DLC1: variants seen among roughly 807,000 people sequenced by gnomAD.
DLC1 encodes rho GTPase-activating protein 7.
A neutral mutation model predicts 140.3 loss-of-function variants in DLC1; 54 were observed. That is an observed-to-expected ratio of 0.38 (90% CI 0.31 to 0.48). DLC1 has a LOEUF of 0.48. Among genes scored for constraint, DLC1 ranks in the 20% least tolerant of loss-of-function variants. The pLI, the probability that DLC1 is intolerant of heterozygous loss-of-function variation, is 0.96. For missense variants in DLC1, 2,536 were observed against 1,907.0 expected, an observed-to-expected ratio of 1.33 and a Z score of -6.14; for synonymous variants, 986 against 728.1, an observed-to-expected ratio of 1.35 and a Z score of -5.70.
intron 4 of DLC1, among the ~76,000 whole-genome samples, chr8:13,352,630 T>G (rs1834730038): frequency 6.6e-6 from 1 of 152,164 alleles, no homozygotes; most frequent in African/African-American, 2.4e-5. Flanking sequence ...TCTTCCCACC[T>G]CAGCTTCCTT....
intron 5 of DLC1, among the ~76,000 whole-genome samples, chr8:13,191,595 G>T (rs755346756): frequency 6.6e-6 from 1 of 152,186 alleles, no homozygotes; most frequent in Non-Finnish European, 1.5e-5. Flanking sequence ...AAGATGCCCC[G>T]AGAATTTGAT....
intron 5 of DLC1, among the ~76,000 whole-genome samples, chr8:13,225,532 C>G (rs529816589): frequency 6.6e-6 from 1 of 152,196 alleles, no homozygotes; most frequent in South Asian, 2.1e-4. Flanking sequence ...TTTGGCAAAA[C>G]AGCAGAGATA....
At chr8:13,465,631 T>A (rs1309275004) in intron 2 of DLC1, among the ~76,000 whole-genome samples, 3 of 152,204 alleles carry the variant, frequency 2.0e-5, no homozygotes, top group African/African-American at 7.2e-5. Flanking sequence ...AGTATTTGAA[T>A]ACTATTCTTT....
chr8:13,311,994 T>G (rs1345030665), intron 4 of DLC1, among the ~76,000 whole-genome samples: 1 of 152,216 alleles, frequency 6.6e-6, no homozygotes, highest in African/African-American at 2.4e-5. Flanking sequence ...TTGACAAAGC[T>G]CTGGTTGAGG....
chr8:13,438,799 A>G (rs1251677562), intron 2 of DLC1, among the ~76,000 whole-genome samples: 2 of 152,134 alleles, frequency 1.3e-5, no homozygotes, highest in Non-Finnish European at 2.9e-5. Context: ...CCTTTCCATG[A>G]TTACTCTCCA....
At chr8:13,103,842 A>C (rs1318461539) in intron 7 of DLC1, among the ~76,000 whole-genome samples, 2 of 117,150 alleles carry the variant, frequency 1.7e-5, no homozygotes, top group Non-Finnish European at 4.1e-5. Flanking sequence ...TCCATCTCAA[A>C]AAAAAAAAAA....
chr8:13,201,909 A>G (rs1023354426), intron 5 of DLC1, among the ~76,000 whole-genome samples: 1 of 146,200 alleles, frequency 6.8e-6, no homozygotes. Flanking sequence ...TACTAAGTCT[A>G]GTACCCAAAA....
intron 2 of DLC1, among the ~76,000 whole-genome samples, chr8:13,454,074 G>T (rs1563361569): frequency 6.6e-6 from 1 of 152,020 alleles, no homozygotes; most frequent in Middle Eastern, 3.2e-3. Flanking sequence ...CTTGAATATG[G>T]CATTAAAAAG....
intron 2 of DLC1, among the ~76,000 whole-genome samples, chr8:13,440,180 A>T (rs921238560): frequency 2.1e-4 from 32 of 152,298 alleles, no homozygotes; most frequent in African/African-American, 6.7e-4. Flanking sequence ...TCTCATTTCG[A>T]TCATAGAAGC....
intron 2 of DLC1, among the ~76,000 whole-genome samples, chr8:13,441,411 GT>G (rs1324890535): frequency 1.3e-5 from 2 of 152,242 alleles, no homozygotes; most frequent in Non-Finnish European, 2.9e-5. Flanking sequence ...AAAAGAGGAA[GT>G]CAAACTGTCC....
chr8:13,412,721 C>G (rs1837833504), intron 2 of DLC1, among the ~76,000 whole-genome samples: 1 of 151,920 alleles, frequency 6.6e-6, no homozygotes, highest in Non-Finnish European at 1.5e-5. Context: ...ATCACGAGGT[C>G]AGGAGATAGA....
At position 13,100,407 on chromosome 8, in the gene DLC1, T is replaced by A; in HGVS notation, c.1930A>T (p.Lys644Ter). 2 of 1,614,010 alleles carry A rather than the reference T, an allele frequency of 1.2e-6. No homozygotes were observed. Among genetic ancestry groups the A allele is most frequent in the Non-Finnish European group, 8.5e-7 (1 of 1,179,996 alleles). ...CTGAAGCTGAAGCTGGACAGTTCCTTGGGAGAGGGCAGGCTGCCGAAAGAG... is the reference window on the plus strand; with the variant it reads ...CTGAAGCTGAAGCTGGACAGTTCCTAGGGAGAGGGCAGGCTGCCGAAAGAG... ...DDSFGSLPSP[K>*]ELSSFSFSMK... The change falls in exon 9 of 18, where the codon AAG becomes TAG. Residue 644 changes from lysine (K) to a stop codon, truncating the protein, a stop_gained. Transcript: ENST00000276297. LOFTEE classifies it high-confidence loss of function.
intron 5 of DLC1, among the ~76,000 whole-genome samples, chr8:13,284,757 CAGTTA>C (rs1483794847): frequency 6.6e-6 from 1 of 151,836 alleles, no homozygotes; most frequent in Non-Finnish European, 1.5e-5. Context: ...GAACAGTTCA[CAGTTA>C]AAACAAGAAA....
At chr8:13,563,514 T>A (rs1404153643) in intron 1 of DLC1, among the ~76,000 whole-genome samples, 3 of 152,156 alleles carry the variant, frequency 2.0e-5, no homozygotes, top group Non-Finnish European at 4.4e-5. Context: ...CACAGCGAGA[T>A]TCCTGGCATC....
intron 5 of DLC1, among the ~76,000 whole-genome samples, chr8:13,160,714 G>A (rs1824624605): frequency 6.6e-6 from 1 of 152,216 alleles, no homozygotes; most frequent in African/African-American, 2.4e-5. Context: ...ACGGCAGGGA[G>A]CAGGTAATGA....
intron 1 of DLC1, among the ~76,000 whole-genome samples, chr8:13,533,194 A>G (rs1230314000): frequency 6.6e-6 from 1 of 152,212 alleles, no homozygotes; most frequent in Non-Finnish European, 1.5e-5. Context: ...CTGGGTAAAT[A>G]TATCAAAATA....
chr8:13,575,481 T>C (rs1804807078), intron 1 of DLC1, among the ~76,000 whole-genome samples: 1 of 151,228 alleles, frequency 6.6e-6, no homozygotes, highest in Non-Finnish European at 1.5e-5. Context: ...GGGGCTTGGA[T>C]ATTTTGAATG....
At chr8:13,166,684 C>G (rs1178229260) in intron 5 of DLC1, among the ~76,000 whole-genome samples, 2 of 152,176 alleles carry the variant, frequency 1.3e-5, no homozygotes, top group Non-Finnish European at 2.9e-5. Flanking sequence ...GTCAAACTTA[C>G]CTAAATGGAT....
chr8:13,444,931 A>G (rs967334598), intron 2 of DLC1, among the ~76,000 whole-genome samples: 1 of 152,202 alleles, frequency 6.6e-6, no homozygotes, highest in Admixed American at 6.5e-5. Flanking sequence ...TTCAAAGTTC[A>G]TTTTTGAATG....
Sources: allele counts gnomAD v4.1 joint callset (sites outside exome capture counted in the v4.1 genomes callset), GRCh38; gene constraint gnomAD v4.1.1; transcripts MANE v1.5; gene names NCBI Gene and HGNC (gene_info 2026-07-23, HGNC 2026-07-21).